Variants in COL14A1 observed in about 807,000 individuals in gnomAD.
COL14A1 encodes the protein collagen alpha-1(XIV) chain.
COL14A1 carries 136 observed loss-of-function variants against 230.3 expected under a neutral mutation model. That is an observed-to-expected ratio of 0.59 (90% CI 0.51 to 0.68). The LOEUF is 0.68. Ranked by LOEUF, COL14A1 falls within the 30% of genes least tolerant of loss-of-function variation. The probability of loss-of-function intolerance (pLI) is 0.00; values close to 1 mark genes in which losing one functional copy is unlikely to be tolerated. For missense variants in COL14A1, 1,976 were observed against 2,215.8 expected, an observed-to-expected ratio of 0.89 and a Z score of 2.17; for synonymous variants, 792 against 784.1, an observed-to-expected ratio of 1.01 and a Z score of -0.17.
chr8:120,166,585 G>A lies in COL14A1; in HGVS notation c.350-1576G>A, dbSNP rs535647602. ...TCAGCACAATCTTTCTCATATTAAAGTGGCAGACATATTTTGTTTTAGAAA... is the reference window on the plus strand; with the variant it reads ...TCAGCACAATCTTTCTCATATTAAAATGGCAGACATATTTTGTTTTAGAAA... On this transcript the variant is annotated intron_variant, in intron 4 of 47. Transcript: ENST00000297848. 1.7e-3 allele frequency among the ~76,000 whole-genome samples: 254 copies of A among 152,236 alleles called. 1 individual carries two copies. Among genetic ancestry groups the A allele is most frequent in the Non-Finnish European group, 1.9e-3 (128 of 68,026 alleles).
chr8:120,199,608 C>A, intron 8 of COL14A1, 42 bp downstream of exon 8: 1 of 1,565,042 alleles, frequency 6.4e-7, no homozygotes, highest in Non-Finnish European at 8.7e-7. Flanking sequence ...AGGGCATAGA[C>A]CCACAACCAC....
At chr8:120,239,640 C>T (rs1055707300) in intron 19 of COL14A1, among the ~76,000 whole-genome samples, 3 of 152,210 alleles carry the variant, frequency 2.0e-5, no homozygotes, top group East Asian at 1.9e-4. Flanking sequence ...TCAGACCATA[C>T]ACTTCAAATG....
rs777357870 is a variant in COL14A1 at position 120,280,732 on chromosome 8, A to G, written c.3668A>G (p.Asp1223Gly). 1 of 1,613,434 alleles carries G rather than the reference A, an allele frequency of 6.2e-7. No homozygotes were observed. Among genetic ancestry groups the G allele is most frequent in the East Asian group, 2.2e-5 (1 of 44,858 alleles). The change falls in exon 30 of 48, where the codon GAT becomes GGT. Residue 1223 changes from aspartate (D) to glycine (G), a missense_variant. Around this residue, in one of 3 missense-constraint regions of COL14A1, gnomAD observed 1,791 missense variants for 2,019.5 expected, o/e 0.89. Coordinates refer to ENST00000297848, the MANE Select transcript of COL14A1 (RefSeq NM_021110.4). ...ASATCPVVHK[D>G]GIDLAGFKMM... ...CCAGCCTGTCCAGTGGTACACAAGG[A>G]TGGCATTGATCTTGCAGGTATGCAT... is the stretch of plus-strand genomic sequence containing the variant.
chr8:120,322,366 A>G (rs2130155318), intron 40 of COL14A1, among the ~76,000 whole-genome samples: 1 of 152,230 alleles, frequency 6.6e-6, no homozygotes, highest in South Asian at 2.1e-4. Context: ...CTGCACATGC[A>G]CTCTGGAACT....
intron 33 of COL14A1, among the ~76,000 whole-genome samples, chr8:120,286,441 C>G: frequency 6.6e-6 from 1 of 152,112 alleles, no homozygotes; most frequent in South Asian, 2.1e-4. Flanking sequence ...GTCATCATAA[C>G]AGTTACCCTG....
chr8:120,357,913 C>A (rs1006139999), intron 45 of COL14A1, among the ~76,000 whole-genome samples: 1 of 152,112 alleles, frequency 6.6e-6, no homozygotes, highest in Non-Finnish European at 1.5e-5. Context: ...ACTACTAATA[C>A]CTTTTGTGTT....
At chr8:120,266,109 A>T (rs1354758294) in intron 24 of COL14A1, among the ~76,000 whole-genome samples, 1 of 152,046 alleles carries the variant, frequency 6.6e-6, no homozygotes, top group Non-Finnish European at 1.5e-5. Context: ...ATACGTAATA[A>T]CATCGTATTT....
chr8:120,342,935 T>C (rs1378818054), intron 44 of COL14A1, among the ~76,000 whole-genome samples: 2 of 152,220 alleles, frequency 1.3e-5, no homozygotes, highest in Non-Finnish European at 2.9e-5. Flanking sequence ...TTCTCATTTA[T>C]TTCTTAAGAT....
At chr8:120,203,944 T>C in intron 9 of COL14A1, 74 bp downstream of exon 9, 2 of 1,460,764 alleles carry the variant, frequency 1.4e-6, no homozygotes, top group African/African-American at 2.8e-5. Flanking sequence ...TTGGGAAAAT[T>C]CTTTTCATTT....
chr8:120,343,223 T>C (rs1166151384), intron 44 of COL14A1, among the ~76,000 whole-genome samples: 1 of 152,168 alleles, frequency 6.6e-6, no homozygotes, highest in African/African-American at 2.4e-5. Context: ...GCTTTGCCAG[T>C]AATTTGTTCA....
chr8:120,125,296 G>C lies in COL14A1; in HGVS notation c.-82G>C, dbSNP rs1814290380. ...AGCGGCGGAGCTTCGATCTTGCCTA[G>C]GCGCGGAGAGCTCCCAACCTGGGCT... is the stretch of plus-strand genomic sequence containing the variant. On this transcript the variant is annotated 5_prime_UTR_variant, in exon 1 of 48. Transcript: ENST00000297848. 1 of 152,346 alleles carries C rather than the reference G, an allele frequency of 6.6e-6. No individual in the cohort carries two copies. Among genetic ancestry groups the C allele is most frequent in the Non-Finnish European group, 1.5e-5 (1 of 68,114 alleles). 9.4% of individuals were successfully genotyped at this position (152,346 alleles called of 1,614,324 possible).
At chr8:120,258,448 G>A (rs911652279) in intron 23 of COL14A1, among the ~76,000 whole-genome samples, 1 of 152,106 alleles carries the variant, frequency 6.6e-6, no homozygotes, top group African/African-American at 2.4e-5. Flanking sequence ...TGACTGTTTG[G>A]ACCTGGTTGC....
intron 43 of COL14A1, 152 bp from the exon 44 acceptor site, chr8:120,342,228 C>T (rs1822323300): frequency 3.0e-6 from 2 of 660,550 alleles, no homozygotes; most frequent in Admixed American, 2.4e-5. Context: ...TACCCCTTCT[C>T]TGCATGCACC....
chr8:120,240,465 CTATT>C (rs1818578159), intron 19 of COL14A1, among the ~76,000 whole-genome samples: 1 of 152,134 alleles, frequency 6.6e-6, no homozygotes, highest in Non-Finnish European at 1.5e-5. Flanking sequence ...ATGCACATCT[CTATT>C]AAAGTCTGAG....
chr8:120,273,998 G>A (rs865897265), intron 26 of COL14A1, among the ~76,000 whole-genome samples: 7 of 151,764 alleles, frequency 4.6e-5, no homozygotes, highest in South Asian at 4.2e-4. Flanking sequence ...AGTATTACCT[G>A]ATACAAAAAC....
intron 5 of COL14A1, among the ~76,000 whole-genome samples, chr8:120,193,898 C>G (rs558412316): frequency 6.6e-6 from 1 of 152,248 alleles, no homozygotes; most frequent in South Asian, 2.1e-4. Flanking sequence ...TTAAGCCCCT[C>G]GGAAAAGCGC....
intron 36 of COL14A1, among the ~76,000 whole-genome samples, chr8:120,309,193 C>T (rs1383807938): frequency 1.3e-5 from 2 of 152,198 alleles, no homozygotes; most frequent in East Asian, 1.9e-4. Context: ...CCTTGGCCTC[C>T]CAAAGTGCTG....
At chr8:120,358,692 AAATGTAGG>A (rs1165788528) in intron 45 of COL14A1, among the ~76,000 whole-genome samples, 1 of 151,822 alleles carries the variant, frequency 6.6e-6, no homozygotes, top group African/African-American at 2.4e-5. Context: ...CCTTTTTTAA[AAATGTAGG>A]AATGTATTTC....
chr8:120,348,472 C>A (rs1055277723), intron 45 of COL14A1, among the ~76,000 whole-genome samples: 1 of 151,890 alleles, frequency 6.6e-6, no homozygotes, highest in South Asian at 2.1e-4. Context: ...TAAGTAGGAG[C>A]TAAGCTATGA....
Sources: allele counts gnomAD v4.1 joint callset (sites outside exome capture counted in the v4.1 genomes callset), GRCh38; gene constraint gnomAD v4.1.1; regional missense constraint gnomAD v4.1.1; transcripts MANE v1.5; gene names NCBI Gene and HGNC (gene_info 2026-07-23, HGNC 2026-07-21).